PCDHGB7: variants seen among roughly 807,000 people sequenced by gnomAD.
The protein encoded by PCDHGB7 is protocadherin gamma-B7.
In PCDHGB7, 37 loss-of-function variants were observed where a neutral mutation model predicts 61.4. That is an observed-to-expected ratio of 0.60 (90% CI 0.46 to 0.79). The LOEUF is 0.79. Ranked by LOEUF, PCDHGB7 falls within the 30% of genes least tolerant of loss-of-function variation. The probability of loss-of-function intolerance (pLI) is 0.00; values close to 1 mark genes in which losing one functional copy is unlikely to be tolerated. For synonymous variants in PCDHGB7, 464 were observed against 503.5 expected (o/e 0.92, Z 1.05); for missense variants, 1,166 against 1,202.5 (o/e 0.97, Z 0.45).
intron 1 of PCDHGB7, among the ~76,000 whole-genome samples, chr5:141,444,982 A>G (rs10066383): frequency 7.1e-4 from 108 of 152,272 alleles, no homozygotes; most frequent in African/African-American, 2.5e-3. Flanking sequence ...ATCCATGAAC[A>G]TGGTATATAT....
chr5:141,423,489 T>C (rs764165685), intron 1 of PCDHGB7: 1 of 1,614,016 alleles, frequency 6.2e-7, no homozygotes, highest in South Asian at 1.1e-5. Context: ...TGCAAACCTA[T>C]TCCCACGAGG....
rs1330469043 is a variant in PCDHGB7 at position 141,491,537 on chromosome 5, C to A, written c.2416-3270C>A. On this transcript the variant is annotated intron_variant, in intron 1 of 3. Transcript: ENST00000398594. This position sits in a 1 kb window ranked among gnomAD's most constrained non-coding sequence, Gnocchi z 6.9. ...AAGTACATGGAGGTGACGCTGCGGCCCACAGACTCGCAGAGCCACTGCTAC... is the reference window on the plus strand; with the variant it reads ...AAGTACATGGAGGTGACGCTGCGGCACACAGACTCGCAGAGCCACTGCTAC... The A allele has an allele frequency of 6.2e-7, 1 of 1,613,908 alleles. No homozygotes were observed. Among genetic ancestry groups the A allele is most frequent in the African/African-American group, 1.3e-5 (1 of 74,920 alleles).
Position 141,493,022 on chromosome 5 carries a change from G to T in PCDHGB7, c.2416-1785G>T, listed in dbSNP as rs1184742888. ...GCTATAGGCTCTGCCAGATGCCAGG[G>T]TGCCCTTATGTGTGAGGAAACTACA... On this transcript the variant is annotated intron_variant, in intron 1 of 3. Transcript: ENST00000398594. The surrounding 1 kb of genome is among the most constrained non-coding windows in gnomAD (Gnocchi z 4.3). Among the ~76,000 whole-genome samples the T allele has an allele frequency of 1.3e-5, 2 of 152,222 alleles. No individual in the cohort carries two copies. Among genetic ancestry groups the T allele is most frequent in the Admixed American group, 1.3e-4 (2 of 15,282 alleles).
intron 1 of PCDHGB7, among the ~76,000 whole-genome samples, chr5:141,442,945 C>G (rs1000311671): frequency 1.8e-4 from 28 of 152,150 alleles, no homozygotes; most frequent in African/African-American, 6.3e-4. Context: ...GAAACTTCCT[C>G]TCACTGCAAA....
At chr5:141,468,836 A>G (rs1286137807) in intron 1 of PCDHGB7, among the ~76,000 whole-genome samples, 1 of 152,170 alleles carries the variant, frequency 6.6e-6, no homozygotes, top group East Asian at 1.9e-4. Flanking sequence ...ACTGCACTCC[A>G]GCCTGGGCAA....
chr5:141,486,456 C>G lies in PCDHGB7; in HGVS notation c.2416-8351C>G. ...AGCTATGACATCATGGTCACTGCTT[C>G]TGATGCTGGGAACCCTCCTCTCAGT... is the stretch of plus-strand genomic sequence containing the variant. On this transcript the variant is annotated intron_variant, in intron 1 of 3. Transcript: ENST00000398594. The surrounding 1 kb of genome is among the most constrained non-coding windows in gnomAD (Gnocchi z 5.0). The G allele has an allele frequency of 1.9e-6, 3 of 1,614,052 alleles. No homozygotes were observed. In the South Asian group the frequency reaches 3.3e-5, roughly 18 times the overall value.
intron 1 of PCDHGB7, chr5:141,422,139 A>G (rs2096627272): frequency 6.3e-7 from 1 of 1,588,154 alleles, no homozygotes. Context: ...AAGTTCAAGT[A>G]CGGGGGTCTC....
At position 141,476,716 on chromosome 5, in the gene PCDHGB7, C is replaced by G; in HGVS notation, c.2416-18091C>G. The G allele has an allele frequency of 6.2e-7, 1 of 1,614,148 alleles. No individual in the cohort carries two copies. On this transcript the variant is annotated intron_variant, in intron 1 of 3. Transcript: ENST00000398594. The surrounding 1 kb of genome is among the most constrained non-coding windows in gnomAD (Gnocchi z 7.6). The stretch of plus-strand genomic sequence containing the variant: ...AGTACGCGGAGCTGGTGTTGGAGCG[C>G]GCCCTGGACCGAGAACGGGAGCCTA...
chr5:141,504,228 C>T lies in PCDHGB7; in HGVS notation c.2475-1165C>T, dbSNP rs114896014. Among the ~76,000 whole-genome samples, 193 of 152,312 alleles carry T rather than the reference C, an allele frequency of 1.3e-3. 1 individual carries two copies. The highest frequency in any genetic ancestry group is 2.1e-3 in the Admixed American group (32 of 15,304). ...AAAATTCCAAGTAGAGCTGAACCTT[C>T]TAAGAAGCAGAGAGTTCTTCTTATG... On this transcript the variant is annotated intron_variant, in intron 2 of 3. Coordinates refer to ENST00000398594, the MANE Select transcript of PCDHGB7 (RefSeq NM_018927.4).
In PCDHGB7 at chr5:141,485,822, G is replaced by A. The variant is rs750883983; in HGVS notation, c.2416-8985G>A. 6.2e-7 allele frequency: 1 copy of A among 1,614,192 alleles called. No individual in the cohort carries two copies. The highest frequency in any genetic ancestry group is 1.1e-5 in the South Asian group (1 of 91,080). ...CCGCCTGGTGCTGACTGCTGTCGAT[G>A]GAGGGAACCCGCCGAGATCTGGCAC... On this transcript the variant is annotated intron_variant, in intron 1 of 3. Transcript: ENST00000398594. This position sits in a 1 kb window ranked among gnomAD's most constrained non-coding sequence, Gnocchi z 5.7.
chr5:141,454,956 G>A (rs62379171), intron 1 of PCDHGB7, among the ~76,000 whole-genome samples: 5,077 of 149,940 alleles, frequency 0.034, 97 homozygotes, highest in Middle Eastern at 0.091. Context: ...TACAGGCGCC[G>A]GCCACCACGC....
Position 141,485,422 on chromosome 5 carries a change from C to G in PCDHGB7, c.2416-9385C>G, listed in dbSNP as rs775279056. 6.2e-7 allele frequency: 1 copy of G among 1,614,130 alleles called. No homozygotes were observed. Among genetic ancestry groups the G allele is most frequent in the East Asian group, 2.2e-5 (1 of 44,872 alleles). ...TCCGTGTGGATTTGGACAGCGGAGC[C>G]CTGCTCATCAAGAACCCAATCGACC... On this transcript the variant is annotated intron_variant, in intron 1 of 3. Transcript: ENST00000398594. The surrounding 1 kb of genome is among the most constrained non-coding windows in gnomAD (Gnocchi z 5.7).
chr5:141,425,426 A>T (rs1227154364), intron 1 of PCDHGB7, among the ~76,000 whole-genome samples: 1 of 152,236 alleles, frequency 6.6e-6, no homozygotes, highest in African/African-American at 2.4e-5. Flanking sequence ...AGTCCCATTA[A>T]ATAGAGGATA....
rs1333419586 is a variant in PCDHGB7 at position 141,485,206 on chromosome 5, C to T, written c.2416-9601C>T. 1 of 1,614,116 alleles carries T rather than the reference C, an allele frequency of 6.2e-7. No individual in the cohort carries two copies. The highest frequency in any genetic ancestry group is 8.5e-7 in the Non-Finnish European group (1 of 1,179,946). ...GCAAGGTGAGAAGCTGGACAGAAAT[C>T]TGGCGGTGGGCTACCCTTTTGTTCC... On this transcript the variant is annotated intron_variant, in intron 1 of 3. Coordinates refer to ENST00000398594, the MANE Select transcript of PCDHGB7 (RefSeq NM_018927.4). The surrounding 1 kb of genome is among the most constrained non-coding windows in gnomAD (Gnocchi z 5.7).
At chr5:141,494,972 C>A in intron 2 of PCDHGB7, 107 bp downstream of exon 2, 1 of 1,581,852 alleles carries the variant, frequency 6.3e-7, no homozygotes, top group South Asian at 1.1e-5. Flanking sequence ...TGGCTTCTCC[C>A]TCAGTTTGAG....
At chr5:141,456,899 G>T (rs1592472053) in intron 1 of PCDHGB7, among the ~76,000 whole-genome samples, 1 of 152,212 alleles carries the variant, frequency 6.6e-6, no homozygotes, top group East Asian at 1.9e-4. Context: ...GGAGGCAGAG[G>T]TTGCAGTGAG....
Position 141,486,515 on chromosome 5 carries a change from G to A in PCDHGB7, c.2416-8292G>A. ...AACTATTTTCCTCAATATTTCAGAT[G>A]TGAATGATAATCCACCCTCTTTCTT... On this transcript the variant is annotated intron_variant, in intron 1 of 3. Transcript: ENST00000398594. This position sits in a 1 kb window ranked among gnomAD's most constrained non-coding sequence, Gnocchi z 5.0. 1 of 1,614,172 alleles carries A rather than the reference G, an allele frequency of 6.2e-7. No individual in the cohort carries two copies. The highest frequency in any genetic ancestry group is 8.5e-7 in the Non-Finnish European group (1 of 1,180,026).
rs185055424 is a variant in PCDHGB7, at chr5:141,457,894, G to A, written c.2416-36913G>A. Among the ~76,000 whole-genome samples the A allele has an allele frequency of 3.2e-3, 488 of 152,332 alleles. 1 individual carries two copies. Among genetic ancestry groups the A allele is most frequent in the Non-Finnish European group, 5.0e-3 (342 of 68,028 alleles). On this transcript the variant is annotated intron_variant, in intron 1 of 3. Transcript: ENST00000398594. ...GTTAGGAACCCTGTGTGGGGACTGT[G>A]TAGACAAGGTGTGAGGCCAGTTCTC...
At chr5:141,435,180 C>G (rs1341148119) in intron 1 of PCDHGB7, among the ~76,000 whole-genome samples, 1 of 152,074 alleles carries the variant, frequency 6.6e-6, no homozygotes, top group African/African-American at 2.4e-5. Context: ...TTTAACTACA[C>G]TTGAGATGGC....
Sources: allele counts gnomAD v4.1 joint callset (sites outside exome capture counted in the v4.1 genomes callset), GRCh38; gene constraint gnomAD v4.1.1; non-coding constraint Gnocchi (gnomAD v3.1); transcripts MANE v1.5; gene names NCBI Gene and HGNC (gene_info 2026-07-23, HGNC 2026-07-21).